DPP10: variants seen among roughly 807,000 people sequenced by gnomAD.
DPP10 encodes the protein dipeptidyl peptidase like 10, also known as inactive dipeptidyl peptidase 10.
DPP10 carries 33 observed loss-of-function variants against 120.9 expected under a neutral mutation model. The observed-to-expected ratio is 0.27, with a 90% CI of 0.21 to 0.37. The LOEUF (loss-of-function observed/expected upper bound fraction) is 0.37, where lower values mean the gene tolerates loss of function less well. Among genes scored for constraint, DPP10 ranks in the 10% least tolerant of loss-of-function variants. The pLI is 1.00. For synonymous variants in DPP10, 337 were observed against 326.1 expected (o/e 1.03, Z -0.36); for missense variants, 816 against 942.8 (o/e 0.87, Z 1.76).
At chr2:115,505,517 T>G (rs931553629) in intron 4 of DPP10, among the ~76,000 whole-genome samples, 1 of 152,088 alleles carries the variant, frequency 6.6e-6, no homozygotes, top group Non-Finnish European at 1.5e-5. Flanking sequence ...TAACAACTGT[T>G]TGCGATTGTT....
chr2:115,797,055 A>C (rs1452273911), intron 19 of DPP10, among the ~76,000 whole-genome samples: 1 of 152,062 alleles, frequency 6.6e-6, no homozygotes, highest in East Asian at 1.9e-4. Context: ...TCTACTGCCA[A>C]ATTCTTATGA....
intron 3 of DPP10, among the ~76,000 whole-genome samples, chr2:115,412,917 T>C (rs2069072564): frequency 6.6e-6 from 1 of 152,172 alleles, no homozygotes; most frequent in Non-Finnish European, 1.5e-5. Context: ...CAGGGCACAA[T>C]TGAGTATTCC....
intron 1 of DPP10, among the ~76,000 whole-genome samples, chr2:114,935,645 A>G (rs1696404625): frequency 6.6e-6 from 1 of 152,016 alleles, no homozygotes; most frequent in South Asian, 2.1e-4. Flanking sequence ...TCTCAAATGC[A>G]GTCTTGATCA....
chr2:115,777,841 A>T lies in DPP10; in HGVS notation c.1361+7A>T. The T allele has an allele frequency of 6.2e-7, 1 of 1,613,172 alleles. No individual in the cohort carries two copies. The highest frequency in any genetic ancestry group is 8.5e-7 in the Non-Finnish European group (1 of 1,179,352). On this transcript the variant is annotated splice_region_variant and intron_variant, in intron 15 of 25. Transcript: ENST00000410059. ...GAGGAAGGCAGCTGTACAGGTAAGC[A>T]GTGTGCAAGGATCTCCTTACACAGA...
At chr2:114,515,144 T>G (rs1199204045) in intron 1 of DPP10, among the ~76,000 whole-genome samples, 3 of 152,162 alleles carry the variant, frequency 2.0e-5, no homozygotes, top group African/African-American at 7.2e-5. Context: ...ACCAAGACAA[T>G]TTCCAATTTC....
At chr2:115,156,181 T>G (rs1245159463) in intron 1 of DPP10, among the ~76,000 whole-genome samples, 1 of 152,246 alleles carries the variant, frequency 6.6e-6, no homozygotes, top group East Asian at 1.9e-4. Flanking sequence ...CTTATTTCAA[T>G]GTACTTTGCC....
chr2:114,627,535 A>G (rs1694608193), intron 1 of DPP10, among the ~76,000 whole-genome samples: 2 of 152,100 alleles, frequency 1.3e-5, no homozygotes, highest in Non-Finnish European at 2.9e-5. Context: ...CTGGACCCCA[A>G]GAGAGCTCTA....
intron 1 of DPP10, among the ~76,000 whole-genome samples, chr2:114,884,260 G>A (rs1691876709): frequency 6.6e-6 from 1 of 152,174 alleles, no homozygotes; most frequent in South Asian, 2.1e-4. Context: ...TGAGATTGCT[G>A]TCAATATTTT....
chr2:115,498,215 C>CT (rs781381136), intron 3 of DPP10, among the ~76,000 whole-genome samples: 7 of 152,058 alleles, frequency 4.6e-5, no homozygotes, highest in Non-Finnish European at 7.4e-5. Context: ...ATTCTTGACT[C>CT]TAACAGGAGA....
chr2:115,386,513 G>A (rs2066943798), intron 3 of DPP10, among the ~76,000 whole-genome samples: 1 of 151,722 alleles, frequency 6.6e-6, no homozygotes, highest in African/African-American at 2.4e-5. Context: ...AGGATTTTGA[G>A]CTTCTAGGGG....
At chr2:114,532,296 T>TATATATATATATATACACAC (rs1342125338) in intron 1 of DPP10, among the ~76,000 whole-genome samples, 7 of 74,780 alleles carry the variant, frequency 9.4e-5, no homozygotes, top group Non-Finnish European at 1.8e-4. Flanking sequence ...TATATATATA[T>TATATATATATATATACACAC]ACACACACAC....
intron 3 of DPP10, among the ~76,000 whole-genome samples, chr2:115,443,650 A>C (rs995012391): frequency 4.6e-5 from 7 of 152,214 alleles, no homozygotes; most frequent in African/African-American, 1.7e-4. Flanking sequence ...GTTCTCAGAC[A>C]AGTAGCATTA....
At chr2:115,348,002 T>G (rs1339954717) in intron 3 of DPP10, among the ~76,000 whole-genome samples, 1 of 152,140 alleles carries the variant, frequency 6.6e-6, no homozygotes, top group Non-Finnish European at 1.5e-5. Context: ...CAAGTTTTTG[T>G]AACCTTTCCT....
chr2:115,798,071 A>G (rs1385933932), intron 19 of DPP10, among the ~76,000 whole-genome samples: 3 of 152,052 alleles, frequency 2.0e-5, no homozygotes, highest in East Asian at 3.9e-4. Context: ...GAATGATATA[A>G]TATGGTTTCA....
intron 1 of DPP10, among the ~76,000 whole-genome samples, chr2:114,606,817 T>C (rs1468089085): frequency 6.6e-6 from 1 of 152,212 alleles, no homozygotes; most frequent in Non-Finnish European, 1.5e-5. Flanking sequence ...ATCTAAGTGC[T>C]GTCATTGGGA....
At chr2:115,275,877 T>A (rs1305888223) in intron 1 of DPP10, among the ~76,000 whole-genome samples, 1 of 152,012 alleles carries the variant, frequency 6.6e-6, no homozygotes, top group Admixed American at 6.6e-5. Context: ...TTTTTTTGTA[T>A]TTTTTGGTGG....
intron 1 of DPP10, among the ~76,000 whole-genome samples, chr2:114,822,347 A>G (rs1279784916): frequency 6.6e-6 from 1 of 152,084 alleles, no homozygotes; most frequent in African/African-American, 2.4e-5. Context: ...ACCGAGACAC[A>G]GGACACCAAG....
At chr2:114,651,265 G>A (rs1696561769) in intron 1 of DPP10, among the ~76,000 whole-genome samples, 1 of 152,110 alleles carries the variant, frequency 6.6e-6, no homozygotes, top group Non-Finnish European at 1.5e-5. Context: ...GTTGTGTCTG[G>A]ATCTGCCCAT....
chr2:115,073,408 G>A (rs1428360095), intron 1 of DPP10, among the ~76,000 whole-genome samples: 2 of 152,210 alleles, frequency 1.3e-5, no homozygotes, highest in Admixed American at 1.3e-4. Flanking sequence ...CTGTCGCTAG[G>A]CGCAGGGGGT....
Sources: allele counts gnomAD v4.1 joint callset (sites outside exome capture counted in the v4.1 genomes callset), GRCh38; gene constraint gnomAD v4.1.1; transcripts MANE v1.5; gene names NCBI Gene and HGNC (gene_info 2026-07-23, HGNC 2026-07-21).